Variants in RASAL2 observed in about 807,000 individuals in gnomAD.
RASAL2 encodes RAS protein activator like 2.
In RASAL2, 58 loss-of-function variants were observed where a neutral mutation model predicts 128.9. The ratio of observed to expected loss-of-function variants is 0.45; its 90% CI spans 0.36 to 0.56. The LOEUF (loss-of-function observed/expected upper bound fraction) is 0.56. Ranked by LOEUF, RASAL2 falls within the 20% of genes least tolerant of loss-of-function variation. The pLI is 0.00. For missense variants in RASAL2, 1,360 were observed against 1,601.6 expected, an observed-to-expected ratio of 0.85 and a Z score of 2.57; for synonymous variants, 561 against 580.8, an observed-to-expected ratio of 0.97 and a Z score of 0.49.
chr1:178,471,998 G>A (rs1179161532), intron 17 of RASAL2, among the ~76,000 whole-genome samples: 2 of 152,124 alleles, frequency 1.3e-5, no homozygotes, highest in African/African-American at 2.4e-5. Context: ...TATTCCCTAT[G>A]TGTTATTTTC....
Position 178,350,415 on chromosome 1 carries a change from G to T in RASAL2, c.458-39685G>T, listed in dbSNP as rs565953381. Among the ~76,000 whole-genome samples the T allele has an allele frequency of 2.0e-5, 3 of 152,190 alleles. 1 individual carries two copies. In the East Asian group the frequency reaches 5.8e-4, roughly 29 times the overall value. On this transcript the variant is annotated intron_variant, in intron 3 of 17. Coordinates refer to ENST00000367649, the MANE Select transcript of RASAL2 (RefSeq NM_170692.4). Reference sequence around the variant, plus strand: ...TTTTGTTTTGTTTTGTTTTGTTTTTGTAGAGACAGGGTTTCGCCATGATGC... The same window carrying T: ...TTTTGTTTTGTTTTGTTTTGTTTTTTTAGAGACAGGGTTTCGCCATGATGC...
At position 178,119,333 on chromosome 1, in the gene RASAL2, T is replaced by C. The variant is rs147608135; in HGVS notation, c.202+24639T>C. 8.1e-3 allele frequency among the ~76,000 whole-genome samples: 1,227 copies of C among 152,324 alleles called. 14 individuals carry two copies. Among genetic ancestry groups the C allele is most frequent in the African/African-American group, 0.028 (1,165 of 41,578 alleles). ...TTCTGTGTGTAAGAGAAGATGTGTG[T>C]GTTCTACATCCATCACCTCCCAGAG... On this transcript the variant is annotated intron_variant, in intron 1 of 17. Transcript: ENST00000367649.
intron 9 of RASAL2, among the ~76,000 whole-genome samples, chr1:178,449,335 G>A (rs1420131402): frequency 1.3e-5 from 2 of 152,074 alleles, no homozygotes; most frequent in East Asian, 3.9e-4. Context: ...CTATCTGTGA[G>A]ATACACTAAA....
chr1:178,188,049 T>C (rs1662366102), intron 1 of RASAL2, among the ~76,000 whole-genome samples: 1 of 152,188 alleles, frequency 6.6e-6, no homozygotes, highest in African/African-American at 2.4e-5. Flanking sequence ...GGATCCCAAA[T>C]GACCTCCAGC....
intron 17 of RASAL2, chr1:178,470,855 C>T (rs1572139057): frequency 1.6e-6 from 1 of 616,382 alleles, no homozygotes; most frequent in East Asian, 7.4e-5. Flanking sequence ...GACTAGATTG[C>T]TTTCCCTTAC....
intron 1 of RASAL2, among the ~76,000 whole-genome samples, chr1:178,130,845 G>A (rs892681567): frequency 6.6e-6 from 1 of 152,080 alleles, no homozygotes; most frequent in African/African-American, 2.4e-5. Context: ...ACGAGGTCAG[G>A]AGATCGAGAC....
intron 5 of RASAL2, among the ~76,000 whole-genome samples, chr1:178,427,173 A>G (rs150364210): frequency 1.4e-3 from 220 of 152,258 alleles, no homozygotes; most frequent in African/African-American, 3.6e-3. Context: ...AAGCCATGTC[A>G]TATAGGAGGG....
At chr1:178,217,307 T>C (rs1663454490) in intron 1 of RASAL2, among the ~76,000 whole-genome samples, 2 of 152,080 alleles carry the variant, frequency 1.3e-5, no homozygotes, top group Admixed American at 6.6e-5. Flanking sequence ...TGCTATTTGG[T>C]TGACAGAAAA....
At chr1:178,150,554 TA>T (rs1290041502) in intron 1 of RASAL2, among the ~76,000 whole-genome samples, 2 of 152,206 alleles carry the variant, frequency 1.3e-5, no homozygotes, top group Non-Finnish European at 2.9e-5. Flanking sequence ...AAATGTTGTC[TA>T]TTGTTACATT....
At chr1:178,113,013 A>T (rs1350599148) in intron 1 of RASAL2, among the ~76,000 whole-genome samples, 1 of 152,126 alleles carries the variant, frequency 6.6e-6, no homozygotes, top group Non-Finnish European at 1.5e-5. Context: ...TTGTCCTATC[A>T]TCCATTTTGA....
chr1:178,117,153 A>G (rs959143384), intron 1 of RASAL2, among the ~76,000 whole-genome samples: 4 of 152,224 alleles, frequency 2.6e-5, no homozygotes, highest in Non-Finnish European at 2.9e-5. Flanking sequence ...TGTGTTTACA[A>G]AAATCAAAAT....
At chr1:178,368,366 A>G (rs896847180) in intron 3 of RASAL2, among the ~76,000 whole-genome samples, 1 of 152,204 alleles carries the variant, frequency 6.6e-6, no homozygotes, top group Non-Finnish European at 1.5e-5. Flanking sequence ...AGTGCCTAGT[A>G]AACAGTAAAT....
intron 3 of RASAL2, among the ~76,000 whole-genome samples, chr1:178,339,142 T>C (rs1021777440): frequency 2.0e-5 from 3 of 152,242 alleles, no homozygotes; most frequent in African/African-American, 7.2e-5. Context: ...GTGTATGTTA[T>C]GTGCTGAAAT....
chr1:178,164,922 T>C (rs1661470067), intron 1 of RASAL2, among the ~76,000 whole-genome samples: 1 of 151,600 alleles, frequency 6.6e-6, no homozygotes, highest in Non-Finnish European at 1.5e-5. Context: ...CAACCAAGTA[T>C]GTATTGGAAA....
intron 3 of RASAL2, among the ~76,000 whole-genome samples, chr1:178,346,108 T>A (rs1420396768): frequency 6.6e-6 from 1 of 152,206 alleles, no homozygotes; most frequent in Non-Finnish European, 1.5e-5. Context: ...TTGAAATATT[T>A]TATCTTTCAT....
At chr1:178,396,004 T>G (rs1255305167) in intron 4 of RASAL2, among the ~76,000 whole-genome samples, 1 of 151,802 alleles carries the variant, frequency 6.6e-6, no homozygotes, top group East Asian at 1.9e-4. Flanking sequence ...AAATATATAA[T>G]TTAGAACCAA....
rs1237108178 is a variant in RASAL2 at position 178,473,192 on chromosome 1, A to C, written c.3796A>C (p.Lys1266Gln). 5 of 1,614,138 alleles carry C rather than the reference A, an allele frequency of 3.1e-6. No individual in the cohort carries two copies. The highest frequency in any genetic ancestry group is 4.2e-6 in the Non-Finnish European group (5 of 1,180,022). ...RNGISPTNPTKLSITENGEFK... is the reference protein window; with the variant it reads ...RNGISPTNPTQLSITENGEFK... The stretch of plus-strand genomic sequence containing the variant: ...TGGCATCTCCCCCACCAACCCCACC[A>C]AGCTTTCCATCACGGAGAATGGTGA... The change falls in exon 18 of 18, where the codon AAG becomes CAG. Residue 1266 changes from lysine to glutamine, a missense_variant. By Grantham distance (53) the Lys-to-Gln change is moderately conservative. Transcript: ENST00000367649.
intron 5 of RASAL2, among the ~76,000 whole-genome samples, chr1:178,438,556 C>T (rs980709811): frequency 1.3e-5 from 2 of 151,848 alleles, no homozygotes; most frequent in Non-Finnish European, 2.9e-5. Context: ...ACGTTTGACT[C>T]CTTTAATTCT....
At chr1:178,413,293 A>C (rs1262188008) in intron 4 of RASAL2, among the ~76,000 whole-genome samples, 1 of 152,198 alleles carries the variant, frequency 6.6e-6, no homozygotes, top group Non-Finnish European at 1.5e-5. Flanking sequence ...CTGCTCTCAG[A>C]AGAAACTAAT....
Sources: allele counts gnomAD v4.1 joint callset (sites outside exome capture counted in the v4.1 genomes callset), GRCh38; gene constraint gnomAD v4.1.1; transcripts MANE v1.5; gene names NCBI Gene and HGNC (gene_info 2026-07-23, HGNC 2026-07-21).